The following PROX1 variants were observed in gnomAD, a reference collection of about 807,000 sequenced individuals.
PROX1 encodes prospero homeobox 1.
In PROX1, 7 loss-of-function variants were observed where a neutral mutation model predicts 58.8. The ratio of observed to expected loss-of-function variants is 0.12; its 90% CI spans 0.07 to 0.22. PROX1 has a LOEUF of 0.22. Ranked by LOEUF, PROX1 falls within the 10% of genes least tolerant of loss-of-function variation. The probability of loss-of-function intolerance (pLI) is 1.00; values close to 1 mark genes in which losing one functional copy is unlikely to be tolerated. For missense variants in PROX1, 675 were observed against 927.8 expected, an observed-to-expected ratio of 0.73 and a Z score of 3.54; for synonymous variants, 350 against 358.3, an observed-to-expected ratio of 0.98 and a Z score of 0.26.
chr1:213,983,219 AC>A (rs1332782474), upstream of PROX1: 1 of 152,236 alleles, frequency 6.6e-6, no homozygotes, highest in African/African-American at 2.4e-5. Context: ...CCAACCCGAA[AC>A]TTTTCCAACA....
chr1:214,016,200 C>T (rs920683276), intron 4 of PROX1, among the ~76,000 whole-genome samples: 1 of 152,092 alleles, frequency 6.6e-6, no homozygotes, highest in Non-Finnish European at 1.5e-5. Flanking sequence ...CAACACCCCA[C>T]CCCACCCCCA....
intron 4 of PROX1, chr1:214,029,094 G>A (rs1218339834): frequency 2.0e-5 from 3 of 152,322 alleles, no homozygotes; most frequent in Middle Eastern, 3.4e-3. Flanking sequence ...CTCCTTGATC[G>A]ATATTTACTT....
chr1:214,006,858 T>A (rs1201621676), intron 3 of PROX1, among the ~76,000 whole-genome samples: 1 of 152,102 alleles, frequency 6.6e-6, no homozygotes, highest in African/African-American at 2.4e-5. Flanking sequence ...GAAATAATAA[T>A]GACAATAACT....
intron 2 of PROX1, among the ~76,000 whole-genome samples, chr1:214,002,403 TTC>T: frequency 7.3e-6 from 1 of 137,704 alleles, no homozygotes; most frequent in East Asian, 2.1e-4. Flanking sequence ...TCTTTTTTTT[TTC>T]TTTTTTCTTT....
rs1183945119 is a variant in PROX1 at position 214,040,658 on chromosome 1, A to G, written c.*4824A>G. The G allele has an allele frequency of 6.6e-6, 1 of 152,150 alleles. No individual in the cohort carries two copies. The highest frequency in any genetic ancestry group is 2.4e-5 in the African/African-American group (1 of 41,440). 9.4% of individuals were successfully genotyped at this position (152,150 alleles called of 1,614,324 possible). A position where few individuals can be genotyped will look rare whatever the true frequency, so the allele number is the denominator to read the frequency against. On this transcript the variant is annotated 3_prime_UTR_variant, in exon 5 of 5. Coordinates refer to ENST00000366958, the MANE Select transcript of PROX1 (RefSeq NM_001270616.2). ...AACACTGCCTTTATATTATTTAGCA[A>G]TATGTTGTAAATAGCATTATTAAGC...
At chr1:214,016,258 C>G (rs1322868883) in intron 4 of PROX1, among the ~76,000 whole-genome samples, 1 of 152,152 alleles carries the variant, frequency 6.6e-6, no homozygotes, top group Non-Finnish European at 1.5e-5. Flanking sequence ...ATGTTCTCTA[C>G]CCCATACCTA....
In PROX1 at chr1:213,998,012, T is replaced by C. The variant is rs1427646901; in HGVS notation, c.1477T>C (p.Phe493Leu). 14 of 1,613,094 alleles carry C rather than the reference T, an allele frequency of 8.7e-6. No individual in the cohort carries two copies. The highest frequency in any genetic ancestry group is 1.2e-5 in the Non-Finnish European group (14 of 1,179,412). ...CCCCCTTCCCTTGATGGCCTATCCA[T>C]TTCAGAGCCCATTAGGTGCTCCCTC... ...PFPLPLMAYP[F>L]QSPLGAPSGS... The change falls in exon 2 of 5, where the codon TTT becomes CTT. Residue 493 changes from phenylalanine to leucine, a missense_variant. Phe to Leu is a conservative substitution (Grantham distance 22). Coordinates refer to ENST00000366958, the MANE Select transcript of PROX1 (RefSeq NM_001270616.2).
chr1:213,996,894 G>A lies in PROX1; in HGVS notation c.359G>A (p.Gly120Asp), dbSNP rs1663286620. 6 of 1,613,974 alleles carry A rather than the reference G, an allele frequency of 3.7e-6. No homozygotes were observed. The highest frequency in any genetic ancestry group is 5.1e-6 in the Non-Finnish European group (6 of 1,180,024). Residue 120 changes from glycine (G) to aspartate (D), a missense_variant, in exon 2 of 5, where the codon GGC becomes GAC. Around this residue, in one of 8 missense-constraint regions of PROX1, gnomAD observed 157 missense variants for 197.8 expected, o/e 0.79. Transcript: ENST00000366958. ...SFQASGLSST[G>D]SEVHQEDICS... ...CAAGCCAGCGGTCTCTCTAGTACAG[G>A]CTCCGAAGTACATCAGGAGGATATA... is the stretch of plus-strand genomic sequence containing the variant.
chr1:214,013,666 G>A (rs1046832650), intron 4 of PROX1, among the ~76,000 whole-genome samples: 4 of 152,300 alleles, frequency 2.6e-5, no homozygotes, highest in African/African-American at 9.6e-5. Context: ...GCTGGCATCA[G>A]GAGGTACCCG....
rs1340172727 is a variant in PROX1 at position 214,037,627 on chromosome 1, C to T, written c.*1793C>T. On this transcript the variant is annotated 3_prime_UTR_variant, in exon 5 of 5. Coordinates refer to ENST00000366958, the MANE Select transcript of PROX1 (RefSeq NM_001270616.2). ...ACCATCCAGGGGACTAACAGGGCCT[C>T]GCAGTGTAGACAGAGGGTGCAGCCA... is the stretch of plus-strand genomic sequence containing the variant. 2 of 152,182 alleles carry T rather than the reference C, an allele frequency of 1.3e-5. No individual in the cohort carries two copies. The highest frequency in any genetic ancestry group is 3.8e-4 in the East Asian group (2 of 5,202). 9.4% of individuals were successfully genotyped at this position (152,182 alleles called of 1,614,324 possible).
intron 4 of PROX1, among the ~76,000 whole-genome samples, chr1:214,025,890 C>G (rs975718857): frequency 1.3e-5 from 2 of 152,002 alleles, no homozygotes; most frequent in Non-Finnish European, 2.9e-5. Context: ...TATTGAACTC[C>G]TGACCTCATG....
intron 4 of PROX1, among the ~76,000 whole-genome samples, chr1:214,014,131 G>T (rs1490091440): frequency 6.6e-6 from 1 of 152,206 alleles, no homozygotes; most frequent in Non-Finnish European, 1.5e-5. Context: ...CACTGCTTAA[G>T]TGAGATGCTT....
At chr1:214,023,893 T>G (rs1664367551) in intron 4 of PROX1, among the ~76,000 whole-genome samples, 1 of 152,042 alleles carries the variant, frequency 6.6e-6, no homozygotes, top group Admixed American at 6.6e-5. Flanking sequence ...TGAGTAGAGG[T>G]GAAAACAGAG....
chr1:214,031,066 T>TGC (rs1227672820), intron 4 of PROX1, among the ~76,000 whole-genome samples: 97 of 95,134 alleles, frequency 1.0e-3, no homozygotes, highest in Middle Eastern at 6.8e-3. Context: ...TGTGTGTGTG[T>TGC]GCGCGCGCGC....
Position 213,997,711 on chromosome 1 carries a change from A to G in PROX1, c.1176A>G (p.Arg392=). The change falls in exon 2 of 5, where the codon AGA becomes AGG. Residue 392 remains arginine, a synonymous_variant. Coordinates refer to ENST00000366958, the MANE Select transcript of PROX1 (RefSeq NM_001270616.2). The surrounding 1 kb of genome is among the most constrained non-coding windows in gnomAD (Gnocchi z 7.1). ...CACCTCTCCAGATCCCCCAGGCCAGATTTGCAGTCAATGGGGAAAACCACA... is the reference window on the plus strand; with the variant it reads ...CACCTCTCCAGATCCCCCAGGCCAGGTTTGCAGTCAATGGGGAAAACCACA... ...VFPPLQIPQA[R]FAVNGENHNF... is the part of the protein sequence containing the mutation. 6.2e-7 allele frequency: 1 copy of G among 1,614,038 alleles called. No individual in the cohort carries two copies. The highest frequency in any genetic ancestry group is 8.5e-7 in the Non-Finnish European group (1 of 1,179,968).
chr1:214,021,830 C>A (rs986675511), intron 4 of PROX1, among the ~76,000 whole-genome samples: 2 of 152,200 alleles, frequency 1.3e-5, no homozygotes, highest in African/African-American at 4.8e-5. Flanking sequence ...AGGACATACC[C>A]AGCCAAATAG....
chr1:214,009,639 G>A (rs1558177881), intron 3 of PROX1, among the ~76,000 whole-genome samples: 1 of 152,018 alleles, frequency 6.6e-6, no homozygotes, highest in Non-Finnish European at 1.5e-5. Context: ...CCAACAATAA[G>A]CTTTAAATCT....
intron 2 of PROX1, among the ~76,000 whole-genome samples, chr1:214,002,023 T>C (rs774839013): frequency 3.9e-5 from 6 of 152,142 alleles, no homozygotes; most frequent in Non-Finnish European, 5.9e-5. Context: ...ACTTAGCAAA[T>C]TAGGGAATAA....
intron 4 of PROX1, among the ~76,000 whole-genome samples, chr1:214,019,881 T>C (rs914620172): frequency 5.3e-5 from 8 of 152,226 alleles, no homozygotes; most frequent in Admixed American, 4.6e-4. Flanking sequence ...GATGATCATG[T>C]ATTCATCTTC....
Sources: allele counts gnomAD v4.1 joint callset (sites outside exome capture counted in the v4.1 genomes callset), GRCh38; gene constraint gnomAD v4.1.1; regional missense constraint gnomAD v4.1.1; non-coding constraint Gnocchi (gnomAD v3.1); transcripts MANE v1.5; gene names NCBI Gene and HGNC (gene_info 2026-07-23, HGNC 2026-07-21).